B4GALT5: variants seen among roughly 807,000 people sequenced by gnomAD.
The protein encoded by B4GALT5 is beta-1,4-galactosyltransferase 5.
Under a neutral mutation model 45.0 loss-of-function variants are expected in B4GALT5, and 11 were observed. That is an observed-to-expected ratio of 0.24 (90% confidence interval 0.15 to 0.40). The LOEUF is 0.40. Ranked by LOEUF, B4GALT5 falls within the 10% of genes least tolerant of loss-of-function variation. The pLI, the probability that B4GALT5 is intolerant of heterozygous loss-of-function variation, is 1.00. For missense variants in B4GALT5, 337 were observed against 500.2 expected (o/e 0.67, Z 3.11); for synonymous variants, 185 against 182.9 (o/e 1.01, Z -0.09).
intron 1 of B4GALT5, among the ~76,000 whole-genome samples, chr20:49,662,014 A>G (rs1279101861): frequency 6.6e-6 from 1 of 152,144 alleles, no homozygotes; most frequent in African/African-American, 2.4e-5. Flanking sequence ...GCTTAACTGG[A>G]CAGCTTCCGG....
chr20:49,688,433 G>A (rs1256414651), intron 1 of B4GALT5, among the ~76,000 whole-genome samples: 2 of 152,128 alleles, frequency 1.3e-5, no homozygotes, highest in Non-Finnish European at 2.9e-5. Flanking sequence ...AAAGAGTAGA[G>A]GCAAACCAAA....
In B4GALT5 at chr20:49,706,768, C is replaced by A. The variant is rs77140279; in HGVS notation, c.115+6808G>T. On this transcript the variant is annotated intron_variant, in intron 1 of 8. Transcript: ENST00000371711. ...TGTTTGTCTTAGCCAGTGGTAACCTCCCTTTTTCTCTATTTCTCTGACAGG... is the reference window on the plus strand; with the variant it reads ...TGTTTGTCTTAGCCAGTGGTAACCTACCTTTTTCTCTATTTCTCTGACAGG... 1.6e-3 allele frequency among the ~76,000 whole-genome samples: 248 copies of A among 152,304 alleles called. 4 individuals carry two copies. In the East Asian group the frequency reaches 0.042, roughly 26 times the overall value.
intron 1 of B4GALT5, among the ~76,000 whole-genome samples, chr20:49,689,793 A>G (rs527303558): frequency 6.6e-6 from 1 of 152,314 alleles, no homozygotes; most frequent in African/African-American, 2.4e-5. Flanking sequence ...ATCCCTATCA[A>G]GATATGAAAC....
chr20:49,654,901 G>A (rs547052191), intron 2 of B4GALT5, among the ~76,000 whole-genome samples: 10 of 152,216 alleles, frequency 6.6e-5, no homozygotes, highest in Non-Finnish European at 1.5e-4. Flanking sequence ...AAGCTCAGGA[G>A]TACAAGACCA....
At chr20:49,637,510 A>G in intron 7 of B4GALT5, 68 bp from the exon 8 acceptor site, 3 of 1,152,270 alleles carry the variant, frequency 2.6e-6, no homozygotes, top group Non-Finnish European at 3.9e-6. Flanking sequence ...CAAAGCCTAC[A>G]AGACATGTTA....
chr20:49,711,089 A>AC (rs2085908823), intron 1 of B4GALT5, among the ~76,000 whole-genome samples: 1 of 152,056 alleles, frequency 6.6e-6, no homozygotes, highest in South Asian at 2.1e-4. Flanking sequence ...AAAAAAAAAA[A>AC]AAAAATTAGT....
At chr20:49,707,576 T>C (rs762435841) in intron 1 of B4GALT5, among the ~76,000 whole-genome samples, 3 of 152,178 alleles carry the variant, frequency 2.0e-5, no homozygotes, top group Non-Finnish European at 4.4e-5. Flanking sequence ...ATGTGGTTAT[T>C]AGGAAAAGTT....
chr20:49,655,168 T>C (rs769348891), intron 2 of B4GALT5, among the ~76,000 whole-genome samples: 22 of 150,708 alleles, frequency 1.5e-4, no homozygotes, highest in Non-Finnish European at 2.7e-4. Context: ...CAGTGGTTCA[T>C]GTCTGTAATC....
At chr20:49,682,458 C>T (rs374399309) in intron 1 of B4GALT5, among the ~76,000 whole-genome samples, 6 of 152,294 alleles carry the variant, frequency 3.9e-5, no homozygotes, top group African/African-American at 4.8e-5. Context: ...TCCAGCCACA[C>T]GGGCCTTCTC....
rs117625220 is a variant in B4GALT5, at chr20:49,699,211, T to C, written c.115+14365A>G. 3.2e-3 allele frequency among the ~76,000 whole-genome samples: 487 copies of C among 152,202 alleles called. 10 individuals are homozygous for C. The highest frequency in any genetic ancestry group is 0.026 in the East Asian group (133 of 5,184). On this transcript the variant is annotated intron_variant, in intron 1 of 8. Transcript: ENST00000371711. The stretch of plus-strand genomic sequence containing the variant: ...ATCAGTACTGATTGCCTTATGTTTA[T>C]CAACTTTTTCATCTACATTTCAGGT...
At chr20:49,702,460 A>G (rs771701069) in intron 1 of B4GALT5, among the ~76,000 whole-genome samples, 2 of 152,218 alleles carry the variant, frequency 1.3e-5, no homozygotes, top group Admixed American at 6.5e-5. Context: ...TTTTTTGTGC[A>G]TCAAAGGACA....
At chr20:49,706,150 G>A (rs1235281962) in intron 1 of B4GALT5, among the ~76,000 whole-genome samples, 1 of 148,162 alleles carries the variant, frequency 6.7e-6, no homozygotes, top group East Asian at 2.0e-4. Context: ...AGCCAAGATC[G>A]CACCATAGAA....
At position 49,643,666 on chromosome 20, in the gene B4GALT5, G is replaced by A. The variant is rs6122802; in HGVS notation, c.365-16C>T. 228,141 of 1,608,790 alleles carry A rather than the reference G, an allele frequency of 0.14. 17,347 individuals are homozygous for A. The highest frequency in any genetic ancestry group is 0.19 in the East Asian group (8,416 of 44,646). On this transcript the variant is annotated splice_polypyrimidine_tract_variant and intron_variant, in intron 3 of 8. Transcript: ENST00000371711. Reference sequence around the variant, plus strand: ...ATTGGGCCCTCTGAACAGAGACGGGGAAAAGGGATTAAGAGGTCAGAAAAT... The same window carrying A: ...ATTGGGCCCTCTGAACAGAGACGGGAAAAAGGGATTAAGAGGTCAGAAAAT...
intron 1 of B4GALT5, among the ~76,000 whole-genome samples, chr20:49,697,565 G>A (rs1253868543): frequency 6.8e-6 from 1 of 147,174 alleles, no homozygotes; most frequent in Non-Finnish European, 1.5e-5. Context: ...GCAGAGGAAG[G>A]GGACATGTCC....
At chr20:49,643,418 AG>A (rs2085585104) in intron 4 of B4GALT5, 107 bp downstream of exon 4, 1 of 1,397,946 alleles carries the variant, frequency 7.2e-7, no homozygotes, top group Non-Finnish European at 9.8e-7. Context: ...ATGGAATGGT[AG>A]GATGAAAATG....
intron 2 of B4GALT5, among the ~76,000 whole-genome samples, chr20:49,655,731 C>T (rs2085639878): frequency 6.6e-6 from 1 of 151,796 alleles, no homozygotes; most frequent in African/African-American, 2.4e-5. Flanking sequence ...GAGTTCAAGA[C>T]CAACATGGCC....
intron 1 of B4GALT5, among the ~76,000 whole-genome samples, chr20:49,706,684 T>G (rs2146362876): frequency 6.6e-6 from 1 of 152,322 alleles, no homozygotes; most frequent in South Asian, 2.1e-4. Flanking sequence ...TTCCCCACAG[T>G]GCACATAGGC....
chr20:49,650,161 G>A (rs565756473), intron 2 of B4GALT5, among the ~76,000 whole-genome samples: 7 of 151,970 alleles, frequency 4.6e-5, no homozygotes, highest in African/African-American at 1.7e-4. Context: ...CAGTAAGCCT[G>A]GTAGCACCTA....
At chr20:49,656,768 A>G in intron 1 of B4GALT5, 66 bp from the exon 2 acceptor site, 1 of 1,581,112 alleles carries the variant, frequency 6.3e-7, no homozygotes, top group Non-Finnish European at 8.6e-7. Context: ...AACATACCAC[A>G]TAGCTATGGA....
Sources: allele counts gnomAD v4.1 joint callset (sites outside exome capture counted in the v4.1 genomes callset), GRCh38; gene constraint gnomAD v4.1.1; transcripts MANE v1.5; gene names NCBI Gene and HGNC (gene_info 2026-07-23, HGNC 2026-07-21).